ZFPM1: variants seen among roughly 807,000 people sequenced by gnomAD.
ZFPM1 encodes the protein zinc finger protein ZFPM1.
A neutral mutation model predicts 46.3 loss-of-function variants in ZFPM1; 28 were observed. That is an observed-to-expected ratio of 0.60 (90% CI 0.45 to 0.83). The LOEUF is 0.83. Among genes scored for constraint, ZFPM1 ranks in the 40% least tolerant of loss-of-function variants. The pLI is 0.00. For missense variants in ZFPM1, 1,878 were observed against 1,432.4 expected (o/e 1.31, Z -5.02); for synonymous variants, 957 against 675.9 (o/e 1.42, Z -6.45).
intron 1 of ZFPM1, among the ~76,000 whole-genome samples, chr16:88,483,951 C>T (rs1036401579): frequency 2.0e-5 from 3 of 152,360 alleles, no homozygotes; most frequent in Non-Finnish European, 4.4e-5. Flanking sequence ...CCTTCTCTCG[C>T]ATCTTCGGGG....
At chr16:88,486,335 T>G (rs1351093574) in intron 2 of ZFPM1, among the ~76,000 whole-genome samples, 1 of 152,146 alleles carries the variant, frequency 6.6e-6, no homozygotes, top group Non-Finnish European at 1.5e-5. Context: ...CTGGGTTGGA[T>G]GGGAATCCAT....
rs781075080 is a variant in ZFPM1 at position 88,526,897 on chromosome 16, C to T, written c.486C>T (p.Asn162=). 4.4e-6 allele frequency: 7 copies of T among 1,576,056 alleles called. No individual in the cohort carries two copies. Among genetic ancestry groups the T allele is most frequent in the Non-Finnish European group, 6.0e-6 (7 of 1,160,988 alleles). Residue 162 remains asparagine (N), a synonymous_variant, in exon 5 of 10, where the codon AAC becomes AAT. Coordinates refer to ENST00000319555, the MANE Select transcript of ZFPM1 (RefSeq NM_153813.3). ...LPQALTEAEA[N]TEIHRKDDAL... is the part of the protein sequence containing the mutation. ...AGGCCCTGACTGAGGCCGAGGCCAA[C>T]ACAGAGATCCACAGGAAGGGTCAGT...
intron 6 of ZFPM1, 41 bp downstream of exon 6, chr16:88,528,279 C>A (rs113552743): frequency 6.5e-7 from 1 of 1,542,028 alleles, no homozygotes; most frequent in Non-Finnish European, 8.8e-7. Flanking sequence ...GCTGCTCCAC[C>A]AAGGAGGAGC....
chr16:88,522,451 G>GC (rs1447845779), intron 4 of ZFPM1, among the ~76,000 whole-genome samples: 1 of 152,212 alleles, frequency 6.6e-6, no homozygotes, highest in Non-Finnish European at 1.5e-5. Flanking sequence ...TGACCAAGCA[G>GC]CCCCACGGGG....
At chr16:88,530,996 G>A (rs901784023) in intron 6 of ZFPM1, 1 of 152,250 alleles carries the variant, frequency 6.6e-6, no homozygotes, top group African/African-American at 2.4e-5. Context: ...GAGGGCGCGG[G>A]GGTAGGGGCC....
At chr16:88,452,500 C>G (rs955876984), upstream of ZFPM1, among the ~76,000 whole-genome samples, 1 of 152,260 alleles carries the variant, frequency 6.6e-6, no homozygotes, top group African/African-American at 2.4e-5. Flanking sequence ...CGATTTCCAG[C>G]CTGGTCTGAG....
rs780475547 is a variant in ZFPM1, at chr16:88,486,005, AGGCCAC to A, written c.111_116del (p.Thr38_Ala39del). 9.9e-6 allele frequency: 16 copies of A among 1,612,704 alleles called. No homozygotes were observed. The highest frequency in any genetic ancestry group is 3.3e-5 in the Admixed American group (2 of 60,000). ...GTGGGTGCCAGCCACATGGAGCAAA[AGGCCAC>A]GGCACCTGAAGCCCCGAGCCCTCCC... On this transcript the variant is annotated inframe_deletion, in exon 2 of 10. Coordinates refer to ENST00000319555, the MANE Select transcript of ZFPM1 (RefSeq NM_153813.3).
chr16:88,519,915 G>A (rs1567549606), intron 4 of ZFPM1, among the ~76,000 whole-genome samples: 1 of 149,530 alleles, frequency 6.7e-6, no homozygotes, highest in East Asian at 2.1e-4. Flanking sequence ...TGACGGCTGG[G>A]TAGATGGATA....
At chr16:88,532,999 G>C in intron 9 of ZFPM1, 64 bp downstream of exon 9, 1 of 1,597,208 alleles carries the variant, frequency 6.3e-7, no homozygotes, top group Non-Finnish European at 8.5e-7. Flanking sequence ...AAGGGAGTGG[G>C]CTTGTCGCCC....
Position 88,534,436 on chromosome 16 carries a change from C to A in ZFPM1, c.2478C>A (p.Phe826Leu). 1 of 1,498,616 alleles carries A rather than the reference C, an allele frequency of 6.7e-7. No homozygotes were observed. Among genetic ancestry groups the A allele is most frequent in the East Asian group, 2.9e-5 (1 of 35,052 alleles). The allele number at this position is 1,498,616 out of a possible 1,614,324, so 92.8% of individuals were successfully genotyped here. The change falls in exon 10 of 10, where the codon TTC becomes TTA. Residue 826 changes from phenylalanine to leucine, a missense_variant. Physicochemically the swap from Phe to Leu is conservative, Grantham distance 22 (BLOSUM62 0). Coordinates refer to ENST00000319555, the MANE Select transcript of ZFPM1 (RefSeq NM_153813.3). ...YHECTACRVS[F>L]HSLEAYLAHK... Reference sequence around the variant, plus strand: ...AGTGCACGGCCTGCCGCGTGAGCTTCCACAGCCTCGAGGCCTACCTGGCGC... The same window carrying A: ...AGTGCACGGCCTGCCGCGTGAGCTTACACAGCCTCGAGGCCTACCTGGCGC...
chr16:88,508,896 C>T (rs1009122646), intron 3 of ZFPM1, among the ~76,000 whole-genome samples: 1 of 152,206 alleles, frequency 6.6e-6, no homozygotes, highest in Non-Finnish European at 1.5e-5. Flanking sequence ...TCAGGGGCCC[C>T]GCGGGGTTTG....
intron 4 of ZFPM1, among the ~76,000 whole-genome samples, chr16:88,517,845 G>A (rs1473626180): frequency 6.6e-6 from 1 of 151,686 alleles, no homozygotes; most frequent in Non-Finnish European, 1.5e-5. Flanking sequence ...TGGATGAGTG[G>A]GTGAGTGGGT....
At chr16:88,512,536 C>T (rs1479347286) in intron 3 of ZFPM1, among the ~76,000 whole-genome samples, 1 of 152,086 alleles carries the variant, frequency 6.6e-6, no homozygotes, top group Non-Finnish European at 1.5e-5. Context: ...GTCCTCTTGG[C>T]CCCCCACCCC....
chr16:88,523,599 TCCCCTGAGAGGTGTCAGGGTGG>T (rs1912069943), intron 4 of ZFPM1, among the ~76,000 whole-genome samples: 2 of 152,150 alleles, frequency 1.3e-5, no homozygotes, highest in African/African-American at 4.8e-5. Context: ...TGCTCACCTG[TCCCCTGAGAGGTGTCAGGGTGG>T]CCCCTGCATC....
Position 88,532,774 on chromosome 16 carries a change from C to T in ZFPM1, c.1043-15C>T, listed in dbSNP as rs754489434. The T allele has an allele frequency of 4.3e-6, 7 of 1,613,122 alleles. No homozygotes were observed. Among genetic ancestry groups the T allele is most frequent in the Non-Finnish European group, 5.1e-6 (6 of 1,179,894 alleles). The stretch of plus-strand genomic sequence containing the variant: ...TCCCCGCCCTGGGCCTTGACCACCT[C>T]GCCATGGCCCACAGGTGTCTGCCAC... On this transcript the variant is annotated splice_polypyrimidine_tract_variant and intron_variant, in intron 8 of 9. Transcript: ENST00000319555.
chr16:88,529,150 C>T (rs745472120), intron 6 of ZFPM1, among the ~76,000 whole-genome samples: 1 of 151,888 alleles, frequency 6.6e-6, no homozygotes. Flanking sequence ...GGTGATGGTG[C>T]GCCCCGTGCA....
At chr16:88,505,521 A>T (rs892183318) in intron 3 of ZFPM1, among the ~76,000 whole-genome samples, 2 of 152,134 alleles carry the variant, frequency 1.3e-5, no homozygotes, top group African/African-American at 4.8e-5. Flanking sequence ...GGAGGTGGTG[A>T]GCACTCTGGG....
Position 88,526,868 on chromosome 16 carries a change from C to A in ZFPM1, c.457C>A (p.Pro153Thr), listed in dbSNP as rs765385000. ...CGAGGCCTGCTGGCTGAGGACGCTG[C>A]CCCAGGCCCTGACTGAGGCCGAGGC... ...VDEACWLRTL[P>T]QALTEAEANT... The change falls in exon 5 of 10, where the codon CCC becomes ACC. Residue 153 changes from proline (P) to threonine (T), a missense_variant. Physicochemically the swap from Pro to Thr is conservative, Grantham distance 38. Transcript: ENST00000319555. The A allele has an allele frequency of 6.3e-7, 1 of 1,579,940 alleles. No homozygotes were observed. The highest frequency in any genetic ancestry group is 1.8e-5 in the Admixed American group (1 of 55,896).
At position 88,485,918 on chromosome 16, in the gene ZFPM1, C is replaced by T. The variant is rs1273310746; in HGVS notation, c.41-21C>T. On this transcript the variant is annotated intron_variant, in intron 1 of 9. Coordinates refer to ENST00000319555, the MANE Select transcript of ZFPM1 (RefSeq NM_153813.3). ...GTCCCCCCAGAGCTCCTCCCGAACC[C>T]CCATCGTCTTGTGTCCACAGGTTCC... 4.3e-6 allele frequency: 7 copies of T among 1,611,198 alleles called. No individual in the cohort carries two copies. In the African/African-American group the frequency reaches 6.7e-5, roughly 15 times the overall value.
Sources: gnomAD v4.1 joint callset for allele counts (sites outside exome capture counted in the v4.1 genomes callset) on GRCh38, gnomAD v4.1.1 for gene constraint, MANE v1.5 for transcripts, NCBI Gene and HGNC (gene_info 2026-07-23, HGNC 2026-07-21) for gene names.